UROC1: variants seen among roughly 807,000 people sequenced by gnomAD.
UROC1 encodes the protein urocanate hydratase 1, also known as urocanate hydratase.
A neutral mutation model predicts 89.5 loss-of-function variants in UROC1; 79 were observed. The observed-to-expected ratio is 0.88, with a 90% CI of 0.74 to 1.06. UROC1 has a LOEUF of 1.06. UROC1 is among the 50% of genes least tolerant of loss of function. The probability of loss-of-function intolerance (pLI) is 0.00; values close to 1 mark genes in which losing one functional copy is unlikely to be tolerated. For synonymous variants in UROC1, 361 were observed against 354.8 expected (o/e 1.02, Z -0.20); for missense variants, 885 against 907.8 (o/e 0.97, Z 0.32).
intron 17 of UROC1, 116 bp downstream of exon 17, chr3:126,489,160 G>T: frequency 2.9e-6 from 3 of 1,024,040 alleles, no homozygotes; most frequent in South Asian, 1.3e-5. Context: ...GTCACTCTAT[G>T]CCGAGCCTCT....
At chr3:126,507,936 G>A (rs1251419597) in intron 5 of UROC1, 31 bp downstream of exon 5, 1 of 1,613,694 alleles carries the variant, frequency 6.2e-7, no homozygotes, top group Admixed American at 1.7e-5. Context: ...GGAGCCCTGG[G>A]CAGGTGCTGT....
Position 126,517,710 on chromosome 3 carries a change from G to A in UROC1, c.10C>T (p.Leu4Phe). The A allele has an allele frequency of 6.3e-7, 1 of 1,578,518 alleles. No individual in the cohort carries two copies. Among genetic ancestry groups the A allele is most frequent in the Non-Finnish European group, 8.6e-7 (1 of 1,162,606 alleles). ...GGCAGGCCAGAGCACAGCGCCTGGA[G>A]GCTAGACATGTGTGACTGAGATGGA... MSS[L>F]QALCSGLPLR... is the part of the protein sequence containing the mutation. Residue 4 changes from leucine to phenylalanine, a missense_variant, in exon 1 of 20, where the codon CTC becomes TTC. Coordinates refer to ENST00000290868, the MANE Select transcript of UROC1 (RefSeq NM_144639.3).
rs1479009726 is a variant in UROC1, at chr3:126,505,681, C to T, written c.813+20G>A. On this transcript the variant is annotated intron_variant, in intron 8 of 19. Transcript: ENST00000290868. ...GGAGGGAGGCAGGCAGGAGCGAAGG[C>T]CAGGAGCCCCCCAGCTTACCTCTGC... 4.3e-6 allele frequency: 7 copies of T among 1,613,138 alleles called. No individual in the cohort carries two copies. In the South Asian group the frequency reaches 7.7e-5, roughly 18 times the overall value.
intron 13 of UROC1, 67 bp from the exon 14 acceptor site, chr3:126,498,239 G>T: frequency 1.2e-6 from 2 of 1,611,788 alleles, no homozygotes; most frequent in South Asian, 2.2e-5. Flanking sequence ...GCAGGTGTGA[G>T]CATGCCAGGG....
At chr3:126,502,410 T>G (rs1264975172) in intron 9 of UROC1, among the ~76,000 whole-genome samples, 1 of 152,068 alleles carries the variant, frequency 6.6e-6, no homozygotes, top group African/African-American at 2.4e-5. Flanking sequence ...TGTGTGTGCA[T>G]GTATGTGTGT....
rs780022603 is a variant in UROC1, at chr3:126,500,867, G to T, written c.973C>A (p.Leu325Met). 1 of 1,613,666 alleles carries T rather than the reference G, an allele frequency of 6.2e-7. No homozygotes were observed. Among genetic ancestry groups the T allele is most frequent in the Non-Finnish European group, 8.5e-7 (1 of 1,179,990 alleles). ...CCCGTCGTGTCCAATTCGTGGACCAGGCGCTCCCTGGGGAAGCCATGCGGT... is the reference window on the plus strand; with the variant it reads ...CCCGTCGTGTCCAATTCGTGGACCATGCGCTCCCTGGGGAAGCCATGCGGT... ...HGNVVALWER[L>M]VHELDTTGEC... Residue 325 changes from leucine (L) to methionine (M), a missense_variant, in exon 11 of 20, where the codon CTG becomes ATG. Leu to Met is a conservative substitution (Grantham distance 15, BLOSUM62 2). Coordinates refer to ENST00000290868, the MANE Select transcript of UROC1 (RefSeq NM_144639.3).
At chr3:126,512,178 T>A (rs1004509683) in intron 1 of UROC1, among the ~76,000 whole-genome samples, 1 of 152,218 alleles carries the variant, frequency 6.6e-6, no homozygotes, top group African/African-American at 2.4e-5. Flanking sequence ...TCGTGTGACC[T>A]GCCAAGGCCC....
chr3:126,507,679 G>T, intron 6 of UROC1, 63 bp downstream of exon 6: 1 of 1,519,336 alleles, frequency 6.6e-7, no homozygotes, highest in Non-Finnish European at 9.1e-7. Flanking sequence ...TCACCACTTT[G>T]CTTTATAATG....
intron 1 of UROC1, among the ~76,000 whole-genome samples, chr3:126,513,492 C>T (rs796721385): frequency 6.6e-5 from 10 of 152,258 alleles, no homozygotes; most frequent in African/African-American, 2.2e-4. Flanking sequence ...AGTGGCTCTG[C>T]GAGGCTGCTG....
In UROC1 at chr3:126,517,695, A is replaced by G. The variant is rs1430028124; in HGVS notation, c.25T>C (p.Ser9Pro). Residue 9 changes from serine to proline, a missense_variant, in exon 1 of 20, where the codon TCT (serine) becomes CCT (proline). Coordinates refer to ENST00000290868, the MANE Select transcript of UROC1 (RefSeq NM_144639.3). ...GGGAGGGGCCGCAGGGGCAGGCCAG[A>G]GCACAGCGCCTGGAGGCTAGACATG... MSSLQALCSGLPLRPLPEN... is the reference protein window; with the variant it reads MSSLQALCPGLPLRPLPEN... 4 of 1,592,262 alleles carry G rather than the reference A, an allele frequency of 2.5e-6. No homozygotes were observed. In the African/African-American group the frequency reaches 5.4e-5, roughly 21 times the overall value.
At chr3:126,499,066 G>A (rs1312170141) in intron 13 of UROC1, among the ~76,000 whole-genome samples, 6 of 151,924 alleles carry the variant, frequency 3.9e-5, no homozygotes, top group Non-Finnish European at 8.8e-5. Flanking sequence ...GCCAGGAAGT[G>A]GCCTCAGCCT....
In UROC1 at chr3:126,488,125, G is replaced by T; in HGVS notation, c.1790+73C>A. On this transcript the variant is annotated intron_variant, in intron 18 of 19. Transcript: ENST00000290868. ...AGGGCCCAGGACTTCAGGAACCTCA[G>T]CCTGGCCCTGCCCCAAAGGAACCCC... 3 of 1,541,266 alleles carry T rather than the reference G, an allele frequency of 1.9e-6. No homozygotes were observed. In the East Asian group the frequency reaches 6.7e-5, roughly 35 times the overall value.
At chr3:126,508,752 G>GGGGCCA (rs1326372491) in intron 3 of UROC1, among the ~76,000 whole-genome samples, 2 of 152,122 alleles carry the variant, frequency 1.3e-5, no homozygotes, top group African/African-American at 2.4e-5. Context: ...ACCAGGGTCT[G>GGGGCCA]GGGCCAGGGC....
intron 1 of UROC1, among the ~76,000 whole-genome samples, chr3:126,512,596 G>A (rs1245285015): frequency 6.6e-6 from 1 of 152,086 alleles, no homozygotes; most frequent in East Asian, 1.9e-4. Context: ...TGGTGCATAT[G>A]CCTGTGGTCC....
chr3:126,510,553 T>G (rs1936169181), intron 2 of UROC1, 111 bp downstream of exon 2: 1 of 1,518,630 alleles, frequency 6.6e-7, no homozygotes, highest in Admixed American at 1.9e-5. Flanking sequence ...CTGGACAGAC[T>G]GGGTTTCCCC....
intron 3 of UROC1, 96 bp downstream of exon 3, chr3:126,509,489 A>T (rs1936148399): frequency 1.7e-6 from 2 of 1,208,048 alleles, no homozygotes; most frequent in African/African-American, 3.0e-5. Context: ...GTGAATCTAT[A>T]ATTATCTCAA....
chr3:126,505,592 A>G, intron 8 of UROC1, 109 bp downstream of exon 8: 2 of 1,515,602 alleles, frequency 1.3e-6, no homozygotes. Flanking sequence ...CTGGGCAAGG[A>G]AGGATGAGAA....
chr3:126,510,825 G>T, intron 1 of UROC1, 31 bp from the exon 2 acceptor site: 2 of 1,607,296 alleles, frequency 1.2e-6, no homozygotes, highest in Non-Finnish European at 1.7e-6. Context: ...GGCAGTCGGG[G>T]CTGGGACTCC....
In UROC1 at chr3:126,505,756, C is replaced by T. The variant is rs1936041171; in HGVS notation, c.758G>A (p.Ser253Asn). The T allele has an allele frequency of 6.2e-7, 1 of 1,613,886 alleles. No individual in the cohort carries two copies. The highest frequency in any genetic ancestry group is 1.1e-5 in the South Asian group (1 of 91,080). The change falls in exon 8 of 20, where the codon AGT becomes AAT. Residue 253 changes from serine to asparagine, a missense_variant. Ser to Asn is a conservative substitution (Grantham distance 46). Transcript: ENST00000290868. ...VFVTSGLGGM[S>N]GAQAKAAVIV... The stretch of plus-strand genomic sequence containing the variant: ...GACTGCGGCCTTGGCCTGAGCCCCA[C>T]TCATTCCGCCGAGCCCAGAGGTGAC...
Sources: gnomAD v4.1 joint callset for allele counts (sites outside exome capture counted in the v4.1 genomes callset) on GRCh38, gnomAD v4.1.1 for gene constraint, MANE v1.5 for transcripts, NCBI Gene and HGNC (gene_info 2026-07-23, HGNC 2026-07-21) for gene names.